The following CTNND2 variants were observed in gnomAD, a reference collection of about 807,000 sequenced individuals.
CTNND2 encodes the protein catenin delta 2.
A neutral mutation model predicts 144.4 loss-of-function variants in CTNND2; 22 were observed. The ratio of observed to expected loss-of-function variants is 0.15; its 90% CI spans 0.11 to 0.22. The LOEUF is 0.22. CTNND2 is among the 10% of genes least tolerant of loss of function. CTNND2 has a pLI of 1.00. For missense variants in CTNND2, 1,353 were observed against 1,618.8 expected (o/e 0.84, Z 2.82); for synonymous variants, 751 against 695.6 (o/e 1.08, Z -1.25).
intron 3 of CTNND2, among the ~76,000 whole-genome samples, chr5:11,437,186 G>A (rs892752696): frequency 5.4e-4 from 83 of 152,326 alleles, no homozygotes; most frequent in Middle Eastern, 3.4e-3. Flanking sequence ...ATGAGTGTGA[G>A]TTACCGAGTT....
chr5:11,823,200 C>A (rs756445131), intron 1 of CTNND2, among the ~76,000 whole-genome samples: 1 of 152,102 alleles, frequency 6.6e-6, no homozygotes, highest in Non-Finnish European at 1.5e-5. Flanking sequence ...TAAAGACCTG[C>A]ACATGGGAAA....
chr5:11,867,359 T>C (rs1374447011), intron 1 of CTNND2, among the ~76,000 whole-genome samples: 6 of 152,138 alleles, frequency 3.9e-5, no homozygotes, highest in Non-Finnish European at 8.8e-5. Context: ...GGGAAGAAAA[T>C]ACAAAATCAC....
At chr5:10,983,451 C>T (rs1289505488) in intron 20 of CTNND2, among the ~76,000 whole-genome samples, 1 of 152,168 alleles carries the variant, frequency 6.6e-6, no homozygotes, top group Non-Finnish European at 1.5e-5. Context: ...TCAGTATAAC[C>T]TCTCAAGGTC....
chr5:11,304,359 T>C (rs904186500), intron 9 of CTNND2, among the ~76,000 whole-genome samples: 5 of 151,740 alleles, frequency 3.3e-5, no homozygotes, highest in African/African-American at 9.7e-5. Flanking sequence ...CTCTCTTTTG[T>C]ATACATTAAT....
chr5:11,539,761 T>G (rs1262256022), intron 3 of CTNND2, among the ~76,000 whole-genome samples: 1 of 152,144 alleles, frequency 6.6e-6, no homozygotes, highest in Non-Finnish European at 1.5e-5. Flanking sequence ...GGGCCGGGTG[T>G]GATGGCTCAT....
chr5:11,284,561 G>T (rs1450439970), intron 9 of CTNND2, among the ~76,000 whole-genome samples: 1 of 152,172 alleles, frequency 6.6e-6, no homozygotes, highest in African/African-American at 2.4e-5. Flanking sequence ...ATGACTTCCA[G>T]CTTCACTCAA....
At chr5:11,636,321 C>T (rs1325764907) in intron 2 of CTNND2, among the ~76,000 whole-genome samples, 1 of 152,168 alleles carries the variant, frequency 6.6e-6, no homozygotes, top group Non-Finnish European at 1.5e-5. Flanking sequence ...ATCTTGTCTT[C>T]TCTTTCCTCT....
At chr5:11,805,753 C>T (rs145641950) in intron 1 of CTNND2, among the ~76,000 whole-genome samples, 76 of 152,182 alleles carry the variant, frequency 5.0e-4, no homozygotes, top group African/African-American at 1.8e-3. Flanking sequence ...TTCCACGTAA[C>T]TCACATAGAA....
At chr5:11,622,569 T>A (rs1163303613) in intron 2 of CTNND2, among the ~76,000 whole-genome samples, 2 of 152,142 alleles carry the variant, frequency 1.3e-5, no homozygotes, top group African/African-American at 2.4e-5. Context: ...AAGGTGCAAT[T>A]GATTGAACTG....
chr5:11,060,122 C>T (rs1415330215), intron 16 of CTNND2, among the ~76,000 whole-genome samples: 1 of 152,148 alleles, frequency 6.6e-6, no homozygotes, highest in South Asian at 2.1e-4. Flanking sequence ...CCAAGCCATG[C>T]ACACAGCTGA....
chr5:11,302,527 C>T (rs1488376903), intron 9 of CTNND2, among the ~76,000 whole-genome samples: 1 of 152,146 alleles, frequency 6.6e-6, no homozygotes, highest in Non-Finnish European at 1.5e-5. Flanking sequence ...GCAACAAACC[C>T]GGTAAATGCC....
intron 3 of CTNND2, among the ~76,000 whole-genome samples, chr5:11,548,150 A>G (rs1055175725): frequency 5.9e-5 from 9 of 152,242 alleles, no homozygotes; most frequent in Non-Finnish European, 1.0e-4. Flanking sequence ...AACACATAAC[A>G]TATTTATGTA....
chr5:11,087,612 A>G (rs985659076), intron 15 of CTNND2, among the ~76,000 whole-genome samples: 1 of 152,180 alleles, frequency 6.6e-6, no homozygotes, highest in African/African-American at 2.4e-5. Context: ...TTGTTTTCAA[A>G]ATTTCTAAAT....
chr5:11,720,549 G>C (rs900962423), intron 2 of CTNND2, among the ~76,000 whole-genome samples: 5 of 152,026 alleles, frequency 3.3e-5, no homozygotes, highest in Admixed American at 2.6e-4. Flanking sequence ...TGTCTCACCC[G>C]ACCACCCACA....
chr5:11,246,616 G>T (rs1282729036), intron 9 of CTNND2, among the ~76,000 whole-genome samples: 1 of 151,288 alleles, frequency 6.6e-6, no homozygotes, highest in Non-Finnish European at 1.5e-5. Context: ...GGGCCACCCA[G>T]TTGGTGGTGC....
At position 11,557,335 on chromosome 5, in the gene CTNND2, G is replaced by A; in HGVS notation, c.287+7609C>T. Among the ~76,000 whole-genome samples the A allele has an allele frequency of 1.3e-5, 2 of 152,106 alleles. 1 individual carries two copies. Among genetic ancestry groups the A allele is most frequent in the South Asian group, 4.2e-4 (2 of 4,816 alleles). On this transcript the variant is annotated intron_variant, in intron 3 of 21. Coordinates refer to ENST00000304623, the MANE Select transcript of CTNND2 (RefSeq NM_001332.4). The stretch of plus-strand genomic sequence containing the variant: ...AAGGCTATCATCAAAATTTCTCAAG[G>A]GCTACTTTCTCTTCTGCAGGTTCTG...
intron 9 of CTNND2, among the ~76,000 whole-genome samples, chr5:11,286,362 T>C (rs1288957066): frequency 6.6e-6 from 1 of 152,180 alleles, no homozygotes; most frequent in Admixed American, 6.5e-5. Flanking sequence ...CCCACTGAAA[T>C]ACTTCACATG....
chr5:11,616,655 T>C (rs571165563), intron 2 of CTNND2, among the ~76,000 whole-genome samples: 1 of 151,088 alleles, frequency 6.6e-6, no homozygotes, highest in South Asian at 2.1e-4. Context: ...TCATCCAGGC[T>C]GGAGTGAGTG....
chr5:11,671,375 T>C (rs1783865484), intron 2 of CTNND2, among the ~76,000 whole-genome samples: 1 of 152,168 alleles, frequency 6.6e-6, no homozygotes, highest in South Asian at 2.1e-4. Context: ...CAGTGTTTTC[T>C]GACTTGGTTC....
Sources: gnomAD v4.1 joint callset for allele counts (sites outside exome capture counted in the v4.1 genomes callset) on GRCh38, gnomAD v4.1.1 for gene constraint, MANE v1.5 for transcripts, NCBI Gene and HGNC (gene_info 2026-07-23, HGNC 2026-07-21) for gene names.